Variants in NOS1AP observed in about 807,000 individuals in gnomAD.
NOS1AP encodes nitric oxide synthase 1 adaptor protein.
Under a neutral mutation model 56.2 loss-of-function variants are expected in NOS1AP, and 21 were observed. That is an observed-to-expected ratio of 0.37 (90% CI 0.26 to 0.54). The LOEUF (loss-of-function observed/expected upper bound fraction) is 0.54. Ranked by LOEUF, NOS1AP falls within the 20% of genes least tolerant of loss-of-function variation. The pLI is 0.84. For missense variants in NOS1AP, 522 were observed against 657.8 expected, an observed-to-expected ratio of 0.79 and a Z score of 2.26; for synonymous variants, 270 against 274.6, an observed-to-expected ratio of 0.98 and a Z score of 0.17.
chr1:162,347,708 T>C (rs1312831510), intron 6 of NOS1AP, among the ~76,000 whole-genome samples: 1 of 152,212 alleles, frequency 6.6e-6, no homozygotes. Flanking sequence ...CACGATTCCC[T>C]GGGGACTCAG....
intron 5 of NOS1AP, among the ~76,000 whole-genome samples, chr1:162,338,937 T>C (rs941425940): frequency 3.9e-5 from 6 of 152,190 alleles, no homozygotes; most frequent in Non-Finnish European, 8.8e-5. Context: ...ATACCCACAT[T>C]AGGTGTGCTG....
At chr1:162,333,628 C>G (rs1428986598) in intron 5 of NOS1AP, among the ~76,000 whole-genome samples, 1 of 152,122 alleles carries the variant, frequency 6.6e-6, no homozygotes, top group Non-Finnish European at 1.5e-5. Context: ...TGTCATTCCC[C>G]CAGGAGTCTA....
intron 2 of NOS1AP, among the ~76,000 whole-genome samples, chr1:162,219,364 C>T (rs1557837154): frequency 6.6e-6 from 1 of 152,304 alleles, no homozygotes; most frequent in East Asian, 1.9e-4. Context: ...AGATAGGCTC[C>T]TGTTTCCATC....
rs35920520 is a variant in NOS1AP at position 162,221,534 on chromosome 1, GCACACA to G, written c.178-65776_178-65771del. ...AACACACACACGCACACACACGCGC[GCACACA>G]CACACACACACACACACACACACAC... is the stretch of plus-strand genomic sequence containing the variant. On this transcript the variant is annotated intron_variant, in intron 2 of 9. Transcript: ENST00000361897. Among the ~76,000 whole-genome samples, 509 of 73,456 alleles carry G rather than the reference GCACACA, an allele frequency of 6.9e-3. 5 individuals carry two copies. In the South Asian group the frequency reaches 0.07, roughly 10 times the overall value. 48.2% of individuals were successfully genotyped at this position (73,456 alleles called of 152,430 possible).
At chr1:162,122,606 C>G (rs1648287549) in intron 1 of NOS1AP, among the ~76,000 whole-genome samples, 1 of 151,336 alleles carries the variant, frequency 6.6e-6, no homozygotes, top group African/African-American at 2.4e-5. Context: ...CTCCCAGGCT[C>G]AAGTGATCCT....
intron 1 of NOS1AP, among the ~76,000 whole-genome samples, chr1:162,152,055 C>T (rs1649736240): frequency 6.6e-6 from 1 of 152,178 alleles, no homozygotes; most frequent in African/African-American, 2.4e-5. Context: ...TCCACCTGTC[C>T]TCCCTGCATC....
chr1:162,333,097 G>A lies in NOS1AP; in HGVS notation c.425G>A (p.Arg142Lys). 1 of 1,613,606 alleles carries A rather than the reference G, an allele frequency of 6.2e-7. No individual in the cohort carries two copies. The highest frequency in any genetic ancestry group is 1.7e-4 in the Middle Eastern group (1 of 6,058). Residue 142 changes from arginine to lysine, a missense_variant, in exon 5 of 10, where the codon AGG becomes AAG. Coordinates refer to ENST00000361897, the MANE Select transcript of NOS1AP (RefSeq NM_014697.3). ...IARDGASNIF[R>K]CNVFKSKKKS... The stretch of plus-strand genomic sequence containing the variant: ...CGAGATGGTGCCAGCAATATCTTCA[G>A]GTGTAACGTCTTTAAATCCAAGAAG...
intron 1 of NOS1AP, among the ~76,000 whole-genome samples, chr1:162,089,871 G>A (rs962470359): frequency 2.0e-5 from 3 of 152,168 alleles, no homozygotes; most frequent in East Asian, 1.9e-4. Context: ...AACTGACTTC[G>A]GACTTCTGTT....
intron 1 of NOS1AP, among the ~76,000 whole-genome samples, chr1:162,136,929 C>T (rs185693012): frequency 1.3e-5 from 2 of 152,274 alleles, no homozygotes; most frequent in East Asian, 3.9e-4. Flanking sequence ...GGTCAGAGTG[C>T]AGCAGCTCTG....
chr1:162,084,642 C>T (rs1192589078), intron 1 of NOS1AP, among the ~76,000 whole-genome samples: 1 of 152,060 alleles, frequency 6.6e-6, no homozygotes, highest in Non-Finnish European at 1.5e-5. Context: ...AGTTTCCCCA[C>T]TCGGTTGGTG....
chr1:162,321,719 T>TAAAAA (rs201941230), intron 4 of NOS1AP, among the ~76,000 whole-genome samples: 76 of 137,868 alleles, frequency 5.5e-4, no homozygotes, highest in African/African-American at 2.0e-3. Flanking sequence ...AAAGTATAAT[T>TAAAAA]AAAAAAAAAA....
At chr1:162,173,265 G>A (rs894185206) in intron 2 of NOS1AP, among the ~76,000 whole-genome samples, 3 of 152,108 alleles carry the variant, frequency 2.0e-5, no homozygotes, top group Non-Finnish European at 2.9e-5. Flanking sequence ...CAAAGTGCTG[G>A]AAATATAGGT....
chr1:162,087,036 C>T (rs1369442951), intron 1 of NOS1AP, among the ~76,000 whole-genome samples: 1 of 152,076 alleles, frequency 6.6e-6, no homozygotes, highest in African/African-American at 2.4e-5. Context: ...TATTTGTGTA[C>T]CTAGCATAGG....
At position 162,094,233 on chromosome 1, in the gene NOS1AP, T is replaced by C. The variant is rs76166027; in HGVS notation, c.105+23951T>C. On this transcript the variant is annotated intron_variant, in intron 1 of 9. Coordinates refer to ENST00000361897, the MANE Select transcript of NOS1AP (RefSeq NM_014697.3). ...CTCACTCTGAAAGTGAACTTTGTTG[T>C]GTGCTGGAGTGGTCTTCATGGCATC... Among the ~76,000 whole-genome samples, 680 of 152,314 alleles carry C rather than the reference T, an allele frequency of 4.5e-3. 7 individuals carry two copies. Among genetic ancestry groups the C allele is most frequent in the African/African-American group, 0.015 (633 of 41,562 alleles).
At chr1:162,238,162 G>A (rs573791360) in intron 2 of NOS1AP, among the ~76,000 whole-genome samples, 2 of 152,068 alleles carry the variant, frequency 1.3e-5, no homozygotes, top group Non-Finnish European at 2.9e-5. Context: ...ATTTTGTTCT[G>A]TGTAACAATG....
chr1:162,253,993 G>T lies in NOS1AP; in HGVS notation c.178-33351G>T, dbSNP rs1016278420. On this transcript the variant is annotated intron_variant, in intron 2 of 9. Coordinates refer to ENST00000361897, the MANE Select transcript of NOS1AP (RefSeq NM_014697.3). ...TGATTGAAGAGGTAAAGGGAAGATA[G>T]GATTCCTGCATTCTGGAGTGGTATG... Among the ~76,000 whole-genome samples, 6 of 152,268 alleles carry T rather than the reference G, an allele frequency of 3.9e-5. 1 individual carries two copies. Among genetic ancestry groups the T allele is most frequent in the Non-Finnish European group, 7.4e-5 (5 of 68,012 alleles).
intron 1 of NOS1AP, among the ~76,000 whole-genome samples, chr1:162,071,557 T>G (rs1028947974): frequency 1.3e-5 from 2 of 152,206 alleles, no homozygotes; most frequent in Non-Finnish European, 1.5e-5. Context: ...CTAGGAGAAC[T>G]GCCCCGCTTA....
rs1375402207 is a variant in NOS1AP, at chr1:162,368,566, C to T, written c.*1099C>T. 6.6e-6 allele frequency: 1 copy of T among 152,306 alleles called. No homozygotes were observed. The highest frequency in any genetic ancestry group is 1.5e-5 in the Non-Finnish European group (1 of 68,074). The allele number at this position is 152,306 out of a possible 1,614,324, so 9.4% of individuals were successfully genotyped here. On this transcript the variant is annotated 3_prime_UTR_variant, in exon 10 of 10. Coordinates refer to ENST00000361897, the MANE Select transcript of NOS1AP (RefSeq NM_014697.3). The stretch of plus-strand genomic sequence containing the variant: ...TTGGGTCAGGGACCACAGCCATTGC[C>T]ACCCTTGGCCCATCTCTCTGCGTGC...
intron 2 of NOS1AP, among the ~76,000 whole-genome samples, chr1:162,166,474 C>A (rs1031287999): frequency 1.5e-4 from 23 of 152,232 alleles, no homozygotes; most frequent in Non-Finnish European, 1.5e-5. Flanking sequence ...GCGGCTGAAG[C>A]CTGTCTCTTC....
Sources: gnomAD v4.1 joint callset for allele counts (sites outside exome capture counted in the v4.1 genomes callset) on GRCh38, gnomAD v4.1.1 for gene constraint, MANE v1.5 for transcripts, NCBI Gene and HGNC (gene_info 2026-07-23, HGNC 2026-07-21) for gene names.